The following XNDC1N variants were observed in gnomAD, a reference collection of about 807,000 sequenced individuals.
XNDC1N encodes protein XNDC1N.
the XNDC1N span, among the ~76,000 whole-genome samples, chr11:71,889,083 C>G: frequency 1.3e-5 from 2 of 152,298 alleles, no homozygotes; most frequent in African/African-American, 2.4e-5. Context: ...CATCATTGCC[C>G]CAGGCCACTT....
the XNDC1N span, chr11:71,893,348 T>G: frequency 3.9e-5 from 23 of 583,882 alleles, no homozygotes; most frequent in Admixed American, 6.4e-4. Context: ...TTGCTGGCGG[T>G]GTATGGTCCG....
At chr11:71,897,297 A>T in the XNDC1N span, among the ~76,000 whole-genome samples, 6,754 of 152,264 alleles carry the variant, frequency 0.044, 504 homozygotes, top group African/African-American at 0.16. Context: ...AACATAACCC[A>T]TGGATTAGGA....
the XNDC1N span, among the ~76,000 whole-genome samples, chr11:71,872,091 G>T: frequency 6.6e-6 from 1 of 152,102 alleles, no homozygotes; most frequent in African/African-American, 2.4e-5. Context: ...TAATAAAAAA[G>T]AACAAATACT....
chr11:71,888,976 A>C, the XNDC1N span, among the ~76,000 whole-genome samples: 371 of 152,310 alleles, frequency 2.4e-3, no homozygotes, highest in Middle Eastern at 0.01. Context: ...GGGCATCAGT[A>C]GACTGGGAAC....
At chr11:71,886,835 C>T in the XNDC1N span, among the ~76,000 whole-genome samples, 5 of 152,218 alleles carry the variant, frequency 3.3e-5, no homozygotes, top group East Asian at 1.9e-4. Flanking sequence ...GGCGATATGC[C>T]GACCTGTTTG....
the XNDC1N span, among the ~76,000 whole-genome samples, chr11:71,881,023 G>T: frequency 9.8e-5 from 15 of 152,338 alleles, no homozygotes; most frequent in East Asian, 2.9e-3. Context: ...TGTCTGTTAA[G>T]TCTATTTGTT....
chr11:71,904,069 A>T, the XNDC1N span: 1 of 522,298 alleles, frequency 1.9e-6, no homozygotes, highest in South Asian at 1.4e-5. Flanking sequence ...CTACAGCCTG[A>T]GAAACAGGGA....
chr11:71,917,948 C>T, the XNDC1N span, among the ~76,000 whole-genome samples: 1 of 152,210 alleles, frequency 6.6e-6, no homozygotes, highest in African/African-American at 2.4e-5. Context: ...AGACTCCAGT[C>T]CACCAAATAC....
the XNDC1N span, among the ~76,000 whole-genome samples, chr11:71,891,268 G>A: frequency 6.6e-6 from 1 of 151,276 alleles, no homozygotes; most frequent in Non-Finnish European, 1.5e-5. Context: ...ATATTAGGAA[G>A]AGGATCACAG....
chr11:71,925,017 T>A, the XNDC1N span, among the ~76,000 whole-genome samples: 7 of 151,906 alleles, frequency 4.6e-5, no homozygotes, highest in Non-Finnish European at 8.8e-5. Context: ...TTTTCCCTTT[T>A]CTCCACGATT....
chr11:71,901,770 T>A, the XNDC1N span, among the ~76,000 whole-genome samples: 7 of 152,044 alleles, frequency 4.6e-5, no homozygotes, highest in African/African-American at 1.7e-4. Flanking sequence ...GACTCACCAC[T>A]CTCATCTGAC....
the XNDC1N span, among the ~76,000 whole-genome samples, chr11:71,886,038 C>G: frequency 6.6e-6 from 1 of 152,020 alleles, no homozygotes; most frequent in African/African-American, 2.4e-5. Flanking sequence ...CATTCCACTC[C>G]TCCCTCGGCA....
chr11:71,883,403 C>A, the XNDC1N span, among the ~76,000 whole-genome samples: 6 of 152,120 alleles, frequency 3.9e-5, no homozygotes, highest in Non-Finnish European at 7.3e-5. Flanking sequence ...ATATAGGCCA[C>A]TGGAAGAGAA....
the XNDC1N span, chr11:71,928,481 G>C: frequency 1.4e-6 from 1 of 702,430 alleles, no homozygotes; most frequent in Non-Finnish European, 2.6e-6. Flanking sequence ...CTACTCTTCC[G>C]TCTTCCGTAG....
the XNDC1N span, chr11:71,919,054 G>GA: frequency 1.4e-6 from 1 of 701,512 alleles, no homozygotes. Context: ...AGAAAATCAG[G>GA]AATCTCACTG....
the XNDC1N span, chr11:71,893,366 C>G: frequency 2.8e-5 from 18 of 640,860 alleles, no homozygotes; most frequent in Non-Finnish European, 4.3e-5. Flanking sequence ...CCGCAAGTGT[C>G]AAGATGTTCC....
chr11:71,908,697 C>T, the XNDC1N span, among the ~76,000 whole-genome samples: 1 of 152,154 alleles, frequency 6.6e-6, no homozygotes, highest in African/African-American at 2.4e-5. Flanking sequence ...TTGATTTGCT[C>T]CAAGCTGTTA....
the XNDC1N span, among the ~76,000 whole-genome samples, chr11:71,888,849 G>A: frequency 6.6e-6 from 1 of 152,202 alleles, no homozygotes; most frequent in Non-Finnish European, 1.5e-5. Context: ...ATTGAAGTTT[G>A]TAACACCCTC....
chr11:71,879,354 TTAAA>T, the XNDC1N span, among the ~76,000 whole-genome samples: 1 of 152,150 alleles, frequency 6.6e-6, no homozygotes, highest in Non-Finnish European at 1.5e-5. Flanking sequence ...AGCATATTTA[TTAAA>T]TAATCAATAT....
Sources: allele counts gnomAD v4.1 joint callset (sites outside exome capture counted in the v4.1 genomes callset), GRCh38; gene constraint gnomAD v4.1.1; transcripts MANE v1.5; gene names NCBI Gene and HGNC (gene_info 2026-07-23, HGNC 2026-07-21).